RNF168: variants seen among roughly 807,000 people sequenced by gnomAD.
The protein encoded by RNF168 is ring finger protein 168.
Under a neutral mutation model 34.9 loss-of-function variants are expected in RNF168, and 34 were observed. That is an observed-to-expected ratio of 0.97 (90% confidence interval 0.74 to 1.30). The LOEUF (loss-of-function observed/expected upper bound fraction) is 1.30, where lower values mean the gene tolerates loss of function less well. RNF168 is among the 50% of genes most tolerant of loss of function. The probability of loss-of-function intolerance (pLI) is 0.00; values close to 1 mark genes in which losing one functional copy is unlikely to be tolerated. For synonymous variants in RNF168, 264 were observed against 254.7 expected (o/e 1.04, Z -0.35); for missense variants, 725 against 682.5 (o/e 1.06, Z -0.69).
intron 1 of RNF168, among the ~76,000 whole-genome samples, chr3:196,493,773 C>G (rs1386015885): frequency 6.6e-6 from 1 of 152,004 alleles, no homozygotes; most frequent in African/African-American, 2.4e-5. Flanking sequence ...GGTGATCCAC[C>G]TGCCTTCCAA....
intron 4 of RNF168, among the ~76,000 whole-genome samples, chr3:196,477,051 T>C (rs962311783): frequency 6.6e-6 from 1 of 152,206 alleles, no homozygotes; most frequent in African/African-American, 2.4e-5. Context: ...CCTGGTCATA[T>C]CTTTACATTT....
intron 4 of RNF168, among the ~76,000 whole-genome samples, chr3:196,481,311 C>G (rs934138935): frequency 1.3e-5 from 2 of 152,142 alleles, no homozygotes; most frequent in African/African-American, 4.8e-5. Flanking sequence ...GCGGCTCACT[C>G]CTGTAATCCA....
chr3:196,469,433 G>A lies in RNF168; in HGVS notation c.*2386C>T, dbSNP rs563617838. On this transcript the variant is annotated 3_prime_UTR_variant, in exon 6 of 6. Transcript: ENST00000318037. ...ACATAGATGCCATCAGGTATGCAAA[G>A]ATTAACAAAATTCTATTACCAACCT... The A allele has an allele frequency of 1.3e-5, 2 of 152,128 alleles. No individual in the cohort carries two copies. The highest frequency in any genetic ancestry group is 3.9e-4 in the East Asian group (2 of 5,188). The allele number at this position is 152,128 out of a possible 1,614,324, so 9.4% of individuals were successfully genotyped here.
intron 1 of RNF168, among the ~76,000 whole-genome samples, chr3:196,489,232 T>C (rs1308354439): frequency 3.3e-5 from 5 of 152,156 alleles, no homozygotes; most frequent in Admixed American, 3.3e-4. Flanking sequence ...ACTTAACCCT[T>C]CCTCTAAACT....
chr3:196,487,875 A>T (rs61515021), intron 2 of RNF168, among the ~76,000 whole-genome samples: 5 of 152,214 alleles, frequency 3.3e-5, no homozygotes, highest in Non-Finnish European at 7.3e-5. Flanking sequence ...CTATTTATGT[A>T]TAACTTCATA....
intron 4 of RNF168, among the ~76,000 whole-genome samples, chr3:196,477,669 C>T (rs577597456): frequency 1.3e-5 from 2 of 152,240 alleles, no homozygotes; most frequent in South Asian, 2.1e-4. Flanking sequence ...GTTGTTTTGA[C>T]GTTCATAAGC....
intron 1 of RNF168, among the ~76,000 whole-genome samples, chr3:196,493,682 C>T (rs1239553322): frequency 3.3e-5 from 5 of 151,998 alleles, no homozygotes; most frequent in East Asian, 1.9e-4. Context: ...TGTCCCACCA[C>T]GCCCAGCTAA....
intron 2 of RNF168, among the ~76,000 whole-genome samples, chr3:196,488,208 A>C (rs1021283739): frequency 6.6e-6 from 1 of 152,152 alleles, no homozygotes; most frequent in African/African-American, 2.4e-5. Context: ...TTGGCCAGGC[A>C]CAGTGGCTCA....
chr3:196,500,030 C>G (rs1054685998), intron 1 of RNF168, among the ~76,000 whole-genome samples: 2 of 152,182 alleles, frequency 1.3e-5, no homozygotes, highest in Non-Finnish European at 2.9e-5. Context: ...TGCAGAGAAA[C>G]TGGACACCCA....
At chr3:196,481,962 C>CTTTTTT (rs1270244249) in intron 4 of RNF168, among the ~76,000 whole-genome samples, 3 of 135,388 alleles carry the variant, frequency 2.2e-5, no homozygotes, top group African/African-American at 9.1e-5. Context: ...CTGTCCCTGG[C>CTTTTTT]TTTTTTTTTT....
Position 196,473,626 on chromosome 3 carries a change from G to A in RNF168, c.763-854C>T, listed in dbSNP as rs1032863661. ...TCACAGCACTTCCGGAGGCTGAGGC[G>A]GACAGCTCACCTGAGGTCAGGAGTT... On this transcript the variant is annotated intron_variant, in intron 5 of 5. Coordinates refer to ENST00000318037, the MANE Select transcript of RNF168 (RefSeq NM_152617.4). Among the ~76,000 whole-genome samples, 5 of 152,020 alleles carry A rather than the reference G, an allele frequency of 3.3e-5. 1 individual carries two copies. The highest frequency in any genetic ancestry group is 4.2e-4 in the South Asian group (2 of 4,816).
At chr3:196,491,245 G>A (rs187523835) in intron 1 of RNF168, among the ~76,000 whole-genome samples, 4 of 152,202 alleles carry the variant, frequency 2.6e-5, no homozygotes, top group Admixed American at 6.5e-5. Flanking sequence ...CCCGGGAGGC[G>A]GAGGCTGCAG....
In RNF168 at chr3:196,469,173, C is replaced by A. The variant is rs1300939490; in HGVS notation, c.*2646G>T. 6.6e-6 allele frequency: 1 copy of A among 152,060 alleles called. No homozygotes were observed. The highest frequency in any genetic ancestry group is 1.5e-5 in the Non-Finnish European group (1 of 68,006). 9.4% of individuals were successfully genotyped at this position (152,060 alleles called of 1,614,324 possible). Reference sequence around the variant, plus strand: ...TTAATTTGAGGCATTCAAGAATGTCCACCCTAAAACTGAAAGTGAAATTGC... The same window carrying A: ...TTAATTTGAGGCATTCAAGAATGTCAACCCTAAAACTGAAAGTGAAATTGC... On this transcript the variant is annotated 3_prime_UTR_variant, in exon 6 of 6. Coordinates refer to ENST00000318037, the MANE Select transcript of RNF168 (RefSeq NM_152617.4).
intron 4 of RNF168, among the ~76,000 whole-genome samples, chr3:196,480,144 T>G (rs754913867): frequency 1.6e-4 from 24 of 152,232 alleles, no homozygotes; most frequent in Non-Finnish European, 2.9e-4. Context: ...CACCGTCTTT[T>G]TAAATTTTTT....
intron 1 of RNF168, among the ~76,000 whole-genome samples, chr3:196,496,614 T>C (rs989125216): frequency 6.6e-6 from 1 of 152,232 alleles, no homozygotes; most frequent in African/African-American, 2.4e-5. Context: ...CTGTTGCTGT[T>C]TGGATGTCAA....
chr3:196,472,168 T>C lies in RNF168; in HGVS notation c.1367A>G (p.Glu456Gly), dbSNP rs1311533077. 1 of 1,614,106 alleles carries C rather than the reference T, an allele frequency of 6.2e-7. No homozygotes were observed. The highest frequency in any genetic ancestry group is 1.7e-5 in the Admixed American group (1 of 60,014). ...DRLLALQLQK[E>G]VDKEQMVPNR... ...TGGCACCATTTGCTCTTTATCCACC[T>C]CCTTCTGAAGTTGTAATGCCAATAA... The change falls in exon 6 of 6, where the codon GAG (glutamate) becomes GGG (glycine). Residue 456 changes from glutamate (E) to glycine (G), a missense_variant. Glu to Gly is a moderately conservative substitution (Grantham distance 98, BLOSUM62 -2). Transcript: ENST00000318037.
intron 4 of RNF168, among the ~76,000 whole-genome samples, chr3:196,476,883 G>T (rs1427602314): frequency 2.0e-5 from 3 of 151,938 alleles, no homozygotes; most frequent in East Asian, 3.9e-4. Flanking sequence ...GAGTAGCTGG[G>T]ACTACAGGCA....
intron 4 of RNF168, among the ~76,000 whole-genome samples, chr3:196,482,261 TATA>T (rs1449067322): frequency 6.6e-6 from 1 of 152,230 alleles, no homozygotes; most frequent in African/African-American, 2.4e-5. Context: ...TTTAAAACTA[TATA>T]ATCCTGTTAT....
In RNF168 at chr3:196,481,682, G is replaced by GTTTTTTTTTTTTTTTTTTTTT. The variant is rs34739638; in HGVS notation, c.680+2067_680+2087dup. Among the ~76,000 whole-genome samples, 3 of 62,362 alleles carry GTTTTTTTTTTTTTTTTTTTTT rather than the reference G, an allele frequency of 4.8e-5. 1 individual carries two copies. The allele number at this position is 62,362 out of a possible 152,430, so 40.9% of individuals were successfully genotyped here. On this transcript the variant is annotated intron_variant, in intron 4 of 5. Coordinates refer to ENST00000318037, the MANE Select transcript of RNF168 (RefSeq NM_152617.4). ...TCTTTTTAAATACGTTTTCAGCTGC[G>GTTTTTTTTTTTTTTTTTTTTT]TTTTTTTTTTTTTTTTTTTTTTTTT...
Sources: gnomAD v4.1 joint callset for allele counts (sites outside exome capture counted in the v4.1 genomes callset) on GRCh38, gnomAD v4.1.1 for gene constraint, MANE v1.5 for transcripts, NCBI Gene and HGNC (gene_info 2026-07-23, HGNC 2026-07-21) for gene names.